Variants in POF1B observed in about 807,000 individuals in gnomAD.
POF1B encodes the protein protein POF1B.
Under a neutral mutation model 55.3 loss-of-function variants are expected in POF1B, and 53 were observed. The ratio of observed to expected loss-of-function variants is 0.96; its 90% CI spans 0.77 to 1.20. POF1B has a LOEUF of 1.20. POF1B is among the 50% of genes most tolerant of loss of function. POF1B has a pLI of 0.00. For synonymous variants in POF1B, 188 were observed against 148.3 expected (o/e 1.27, Z -1.95); for missense variants, 478 against 420.5 (o/e 1.14, Z -1.20).
chrX:85,279,272 C>A lies in POF1B; in HGVS notation c.*149G>T. Reference sequence around the variant, plus strand: ...GGTGAAGAAATTGTCATCTACAGAACTAATTCATTCCATTAGATTTCTTGG... The same window carrying A: ...GGTGAAGAAATTGTCATCTACAGAAATAATTCATTCCATTAGATTTCTTGG... On this transcript the variant is annotated 3_prime_UTR_variant, in exon 17 of 17. Coordinates refer to ENST00000262753, the MANE Select transcript of POF1B (RefSeq NM_024921.4). 1 of 541,350 alleles carries A rather than the reference C, an allele frequency of 1.8e-6. No homozygotes were observed. Among genetic ancestry groups the A allele is most frequent in the East Asian group, 3.4e-5 (1 of 29,445 alleles). The allele number at this position is 541,350 out of a possible 1,213,427, so 44.6% of individuals were successfully genotyped here. A position where few individuals can be genotyped will look rare whatever the true frequency, so the allele number is the denominator to read the frequency against.
At chrX:85,325,259 C>T (rs888520138) in intron 7 of POF1B, among the ~76,000 whole-genome samples, 3 of 111,685 alleles carry the variant, frequency 2.7e-5, no homozygotes, top group Admixed American at 9.5e-5. Context: ...TTTTCATGGA[C>T]GAGATCCTGA....
chrX:85,310,953 A>G (rs978713403), intron 9 of POF1B, among the ~76,000 whole-genome samples: 24 of 112,118 alleles, frequency 2.1e-4, no homozygotes, highest in Non-Finnish European at 4.3e-4. Flanking sequence ...GTACTAAAAG[A>G]AAATAATTGT....
intron 7 of POF1B, among the ~76,000 whole-genome samples, chrX:85,326,023 C>G (rs989192498): frequency 9.0e-6 from 1 of 110,880 alleles, no homozygotes; most frequent in Non-Finnish European, 1.9e-5. Context: ...GATATGTGGC[C>G]CCTGAATGTT....
chrX:85,337,415 G>C (rs1354826361), intron 6 of POF1B, among the ~76,000 whole-genome samples: 1 of 111,689 alleles, frequency 9.0e-6, no homozygotes, highest in African/African-American at 3.3e-5. Context: ...TCAGTGATAC[G>C]AAGTTACATT....
At chrX:85,312,788 C>T (rs1291358647) in intron 9 of POF1B, among the ~76,000 whole-genome samples, 4 of 111,321 alleles carry the variant, frequency 3.6e-5, no homozygotes, top group Non-Finnish European at 7.5e-5. Context: ...TTCAAGATAT[C>T]GATTCTTCCT....
chrX:85,332,368 A>G (rs1932993889), intron 6 of POF1B, among the ~76,000 whole-genome samples: 1 of 111,195 alleles, frequency 9.0e-6, no homozygotes. Context: ...TACTATGAAC[A>G]GTGTCCTAAA....
rs982743258 is a variant in POF1B, at chrX:85,279,247, G to T, written c.*174C>A. On this transcript the variant is annotated 3_prime_UTR_variant, in exon 17 of 17. Coordinates refer to ENST00000262753, the MANE Select transcript of POF1B (RefSeq NM_024921.4). Reference sequence around the variant, plus strand: ...GGAAAAGATTTAGGTCTCATAAATGGGTGAAGAAATTGTCATCTACAGAAC... The same window carrying T: ...GGAAAAGATTTAGGTCTCATAAATGTGTGAAGAAATTGTCATCTACAGAAC... 2.2e-6 allele frequency: 1 copy of T among 444,906 alleles called. No homozygotes were observed. Among genetic ancestry groups the T allele is most frequent in the South Asian group, 4.7e-5 (1 of 21,403 alleles). 36.7% of individuals were successfully genotyped at this position (444,906 alleles called of 1,213,427 possible). A position where few individuals can be genotyped will look rare whatever the true frequency, so the allele number is the denominator to read the frequency against.
At chrX:85,306,024 A>G in intron 12 of POF1B, 114 bp from the exon 13 acceptor site, 2 of 1,000,123 alleles carry the variant, frequency 2.0e-6, no homozygotes, top group Admixed American at 6.1e-5. Context: ...CATTGAAATA[A>G]TGAAAGTGAT....
At position 85,359,552 on chromosome X, in the gene POF1B, G is replaced by A. The variant is rs1933565665; in HGVS notation, c.436C>T (p.Gln146Ter). 8.4e-7 allele frequency: 1 copy of A among 1,187,637 alleles called. No individual in the cohort carries two copies. The highest frequency in any genetic ancestry group is 1.1e-6 in the Non-Finnish European group (1 of 879,154). The change falls in exon 4 of 17, where the codon CAG becomes TAG. Residue 146 changes from glutamine (Q) to a stop codon, truncating the protein, a stop_gained and splice_region_variant. Coordinates refer to ENST00000262753, the MANE Select transcript of POF1B (RefSeq NM_024921.4). LOFTEE classifies it high-confidence loss of function. ...GTTGGTAAAAGTTGGTGTCTTACCTGTTCAGGATTTTGTACTACATATTTC... is the reference window on the plus strand; with the variant it reads ...GTTGGTAAAAGTTGGTGTCTTACCTATTCAGGATTTTGTACTACATATTTC... The part of the protein sequence containing the change: ...IRKYVVQNPE[Q>*]EPLSQFLRGS...
chrX:85,337,536 TTC>T lies in POF1B; in HGVS notation c.724-6459_724-6458del, dbSNP rs199568807. Among the ~76,000 whole-genome samples, 669 of 111,527 alleles carry T rather than the reference TTC, an allele frequency of 6.0e-3. 2 individuals carry two copies. The highest frequency in any genetic ancestry group is 0.014 in the Middle Eastern group (3 of 216). On this transcript the variant is annotated intron_variant, in intron 6 of 16. Transcript: ENST00000262753. The stretch of plus-strand genomic sequence containing the variant: ...TGCAGGGAGGACAATCGGTGGAAGC[TTC>T]TCTTTGGTGGAAGCTTCTCTTTGTC...
intron 7 of POF1B, among the ~76,000 whole-genome samples, chrX:85,317,349 A>T (rs1195724619): frequency 9.1e-6 from 1 of 109,335 alleles, no homozygotes; most frequent in Non-Finnish European, 1.9e-5. Flanking sequence ...CAAATTGGCC[A>T]AACTGCTTTT....
intron 4 of POF1B, among the ~76,000 whole-genome samples, chrX:85,355,763 C>A (rs1026004780): frequency 9.0e-6 from 1 of 111,712 alleles, no homozygotes; most frequent in Non-Finnish European, 1.9e-5. Context: ...AATGAGATAC[C>A]ATCTCATGCC....
Position 85,331,077 on chromosome X carries a change from C to T in POF1B, c.726G>A (p.Val242=), listed in dbSNP as rs879091306. The change falls in exon 7 of 17, where the codon GTG becomes GTA. Residue 242 remains valine (V), a splice_region_variant and synonymous_variant. Coordinates refer to ENST00000262753, the MANE Select transcript of POF1B (RefSeq NM_024921.4). The stretch of plus-strand genomic sequence containing the variant: ...TTTCAGGGCCATCATCCTGAATTAT[C>T]ACCTGAAGCAAACATCAATCACAAT... ...HSGSSQICEQ[V]IIQDDGPEKL... is the part of the protein sequence containing the mutation. The T allele has an allele frequency of 2.5e-6, 3 of 1,199,835 alleles. No individual in the cohort carries two copies. The South Asian group carries it at 5.6e-5, about 22-fold the overall frequency.
intron 7 of POF1B, among the ~76,000 whole-genome samples, chrX:85,322,248 A>G (rs1856157551): frequency 9.0e-6 from 1 of 111,226 alleles, no homozygotes; most frequent in African/African-American, 3.3e-5. Context: ...AAAGAGAGAT[A>G]TAGATCAATG....
chrX:85,297,906 C>T (rs1316068460), intron 15 of POF1B, among the ~76,000 whole-genome samples: 1 of 112,365 alleles, frequency 8.9e-6, no homozygotes, highest in African/African-American at 3.2e-5. Context: ...ACACCTAACA[C>T]TCAGTGTATT....
intron 4 of POF1B, among the ~76,000 whole-genome samples, chrX:85,352,369 A>T (rs1290883516): frequency 9.0e-6 from 1 of 111,435 alleles, no homozygotes; most frequent in Admixed American, 9.6e-5. Context: ...TTACTGGTTA[A>T]TGTATTTAAG....
rs140875559 is a variant in POF1B, at chrX:85,325,056, G to A, written c.854+5893C>T. Among the ~76,000 whole-genome samples, 909 of 111,933 alleles carry A rather than the reference G, an allele frequency of 8.1e-3. 11 individuals carry two copies. Among genetic ancestry groups the A allele is most frequent in the African/African-American group, 0.028 (858 of 30,804 alleles). On this transcript the variant is annotated intron_variant, in intron 7 of 16. Coordinates refer to ENST00000262753, the MANE Select transcript of POF1B (RefSeq NM_024921.4). ...TGGCTTGTAGGATTTCTACTGACAG[G>A]TCTGCTGCTGGCCCAATGAGATTCC...
intron 15 of POF1B, among the ~76,000 whole-genome samples, chrX:85,283,827 CA>C (rs757531383): frequency 9.0e-6 from 1 of 110,764 alleles, no homozygotes; most frequent in African/African-American, 3.3e-5. Context: ...ATTCAAAGAA[CA>C]AAAATCATAA....
intron 7 of POF1B, among the ~76,000 whole-genome samples, chrX:85,319,519 C>G (rs1932816239): frequency 9.0e-6 from 1 of 111,132 alleles, no homozygotes; most frequent in Admixed American, 9.6e-5. Flanking sequence ...AGAGATGGCT[C>G]TTATTATTCT....
Sources: allele counts gnomAD v4.1 joint callset (sites outside exome capture counted in the v4.1 genomes callset), GRCh38; gene constraint gnomAD v4.1.1; transcripts MANE v1.5; gene names NCBI Gene and HGNC (gene_info 2026-07-23, HGNC 2026-07-21).